Variants in OTUD7B observed in about 807,000 individuals in gnomAD.
OTUD7B encodes the protein OTU deubiquitinase 7B.
Under a neutral mutation model 82.2 loss-of-function variants are expected in OTUD7B, and 34 were observed. The ratio of observed to expected loss-of-function variants is 0.41; its 90% confidence interval spans 0.31 to 0.55. OTUD7B has a LOEUF of 0.55. Among genes scored for constraint, OTUD7B ranks in the 20% least tolerant of loss-of-function variants. OTUD7B has a pLI of 0.20. For synonymous variants in OTUD7B, 398 were observed against 402.7 expected (o/e 0.99, Z 0.14); for missense variants, 944 against 1,062.1 (o/e 0.89, Z 1.55).
chr1:150,008,768 G>A (rs1291970760), intron 1 of OTUD7B, among the ~76,000 whole-genome samples: 5 of 152,056 alleles, frequency 3.3e-5, no homozygotes, highest in African/African-American at 1.2e-4. Context: ...TCAAAAATGA[G>A]GGTAAAATCG....
chr1:149,967,246 T>G, intron 4 of OTUD7B, 48 bp downstream of exon 4: 1 of 1,343,792 alleles, frequency 7.4e-7, no homozygotes, highest in Non-Finnish European at 1.1e-6. Flanking sequence ...AGGCTGCCTG[T>G]AGGTGGAGAG....
At chr1:149,979,013 A>ATT (rs71083888) in intron 1 of OTUD7B, among the ~76,000 whole-genome samples, 138,088 of 148,410 alleles carry the variant, frequency 0.93, 64,788 homozygotes, top group East Asian at 0.99. Flanking sequence ...CTAACACTGG[A>ATT]TTTTTTTTTT....
At chr1:150,029,721 A>G in the OTUD7B span, among the ~76,000 whole-genome samples, 1 of 152,240 alleles carries the variant, frequency 6.6e-6, no homozygotes, top group Non-Finnish European at 1.5e-5. Context: ...CAGAGGATCC[A>G]AAATATTTCA....
At chr1:150,041,434 G>A in the OTUD7B span, among the ~76,000 whole-genome samples, 2 of 152,174 alleles carry the variant, frequency 1.3e-5, no homozygotes, top group African/African-American at 4.8e-5. Flanking sequence ...CCGCGTTCAA[G>A]CGATTCTCAT....
chr1:150,001,305 G>C (rs1306534151), intron 1 of OTUD7B, among the ~76,000 whole-genome samples: 1 of 152,124 alleles, frequency 6.6e-6, no homozygotes, highest in Admixed American at 6.5e-5. Context: ...AAAGGGCCAG[G>C]TGATTTGATG....
chr1:149,963,569 T>G (rs1282006045), intron 6 of OTUD7B: 10 of 151,316 alleles, frequency 6.6e-5, no homozygotes, highest in African/African-American at 2.4e-4. Flanking sequence ...GTTTTTTTTT[T>G]TCTTACAAAA....
At chr1:149,962,708 G>A (rs1649242369) in intron 6 of OTUD7B, 1 of 152,160 alleles carries the variant, frequency 6.6e-6, no homozygotes, top group African/African-American at 2.4e-5. Flanking sequence ...AATTTTCTGG[G>A]TGTTGCTGTC....
chr1:150,042,841 A>G, the OTUD7B span, among the ~76,000 whole-genome samples: 1 of 152,232 alleles, frequency 6.6e-6, no homozygotes, highest in Non-Finnish European at 1.5e-5. Context: ...CAGAAAAATT[A>G]TATATCACTA....
In OTUD7B at chr1:149,947,335, A is replaced by C. The variant is rs1235513008; in HGVS notation, c.1239T>G (p.Ser413Arg). Residue 413 changes from serine (S) to arginine (R), a missense_variant and splice_region_variant, in exon 11 of 12, where the codon AGT (serine) becomes AGG (arginine). By Grantham distance (110) the Ser-to-Arg change is moderately radical. Coordinates refer to ENST00000581312, the MANE Select transcript of OTUD7B (RefSeq NM_020205.4). Reference sequence around the variant, plus strand: ...ATTTGACCTCTAGGGACAGAATTACACTATGAAAAAGAGAAAAAACAAATT... The same window carrying C: ...ATTTGACCTCTAGGGACAGAATTACCCTATGAAAAAGAGAAAAAACAAATT... ...KDDSDNVRLA[S>R]VILSLEVKLH... 3 of 1,585,964 alleles carry C rather than the reference A, an allele frequency of 1.9e-6. No individual in the cohort carries two copies. The African/African-American group carries it at 4.0e-5, about 21-fold the overall frequency.
the OTUD7B span, among the ~76,000 whole-genome samples, chr1:150,045,141 G>C: frequency 6.8e-6 from 1 of 146,524 alleles, no homozygotes; most frequent in Non-Finnish European, 1.5e-5. Flanking sequence ...ACCCAGGCTA[G>C]AGTGCAGTGG....
At position 149,939,597 on chromosome 1, in the gene OTUD7B, CCTG is replaced by C. The variant is rs1419629496; in HGVS notation, c.*4257_*4259del. 6.6e-6 allele frequency: 1 copy of C among 152,174 alleles called. No individual in the cohort carries two copies. Among genetic ancestry groups the C allele is most frequent in the African/African-American group, 2.4e-5 (1 of 41,406 alleles). The allele number at this position is 152,174 out of a possible 1,614,324, so 9.4% of individuals were successfully genotyped here. A position where few individuals can be genotyped will look rare whatever the true frequency, so the allele number is the denominator to read the frequency against. On this transcript the variant is annotated 3_prime_UTR_variant, in exon 12 of 12. Coordinates refer to ENST00000581312, the MANE Select transcript of OTUD7B (RefSeq NM_020205.4). ...AGGGGCTTCTAATTCTGTCTTCTCA[CCTG>C]TGGCTATATGTCTGGGGCACTGACT...
chr1:150,046,568 C>T, the OTUD7B span, among the ~76,000 whole-genome samples: 3 of 151,036 alleles, frequency 2.0e-5, no homozygotes, highest in African/African-American at 7.3e-5. Context: ...CTTCCTCAGC[C>T]TCCTGAGTTG....
chr1:149,968,070 C>T (rs1571647584), intron 3 of OTUD7B, among the ~76,000 whole-genome samples: 1 of 151,972 alleles, frequency 6.6e-6, no homozygotes, highest in African/African-American at 2.4e-5. Flanking sequence ...TCAAGAGCAG[C>T]CTGACCAACG....
chr1:150,035,607 C>T, the OTUD7B span, among the ~76,000 whole-genome samples: 29 of 152,290 alleles, frequency 1.9e-4, no homozygotes, highest in South Asian at 8.3e-4. Context: ...CTTAGGCTTA[C>T]GTCATTTTTA....
intron 1 of OTUD7B, among the ~76,000 whole-genome samples, chr1:149,984,440 A>AT (rs1278919582): frequency 6.6e-6 from 1 of 152,162 alleles, no homozygotes; most frequent in East Asian, 1.9e-4. Context: ...TCTTTGTAGC[A>AT]TTTGACACTT....
chr1:150,035,608 G>A, the OTUD7B span, among the ~76,000 whole-genome samples: 6 of 152,170 alleles, frequency 3.9e-5, no homozygotes, highest in South Asian at 2.1e-4. Context: ...TTAGGCTTAC[G>A]TCATTTTTAC....
intron 1 of OTUD7B, among the ~76,000 whole-genome samples, chr1:149,983,451 A>G (rs1203990555): frequency 6.6e-6 from 1 of 152,158 alleles, no homozygotes; most frequent in Non-Finnish European, 1.5e-5. Flanking sequence ...TAATAAAGCA[A>G]TGTTAGAGAA....
chr1:150,027,141 T>A, the OTUD7B span, among the ~76,000 whole-genome samples: 1 of 152,186 alleles, frequency 6.6e-6, no homozygotes, highest in Admixed American at 6.5e-5. Context: ...CTGTATTATA[T>A]CAGGTGATTC....
At chr1:150,006,676 A>G (rs1196893654) in intron 1 of OTUD7B, among the ~76,000 whole-genome samples, 1 of 152,232 alleles carries the variant, frequency 6.6e-6, no homozygotes, top group African/African-American at 2.4e-5. Flanking sequence ...TGAGAGTTAA[A>G]TGCACTTGAA....
Sources: gnomAD v4.1 joint callset for allele counts (sites outside exome capture counted in the v4.1 genomes callset) on GRCh38, gnomAD v4.1.1 for gene constraint, MANE v1.5 for transcripts, NCBI Gene and HGNC (gene_info 2026-07-23, HGNC 2026-07-21) for gene names.